Variants in DOCK10 observed in about 807,000 individuals in gnomAD.
DOCK10 encodes the protein dedicator of cytokinesis 10, also known as dedicator of cytokinesis protein 10.
A neutral mutation model predicts 280.1 loss-of-function variants in DOCK10; 145 were observed. The observed-to-expected ratio is 0.52, with a 90% CI of 0.45 to 0.59. The LOEUF is 0.59. Among genes scored for constraint, DOCK10 ranks in the 20% least tolerant of loss-of-function variants. The pLI is 0.00. For synonymous variants in DOCK10, 915 were observed against 942.2 expected, an observed-to-expected ratio of 0.97 and a Z score of 0.53; for missense variants, 2,368 against 2,651.7, an observed-to-expected ratio of 0.89 and a Z score of 2.35.
chr2:225,005,636 A>G (rs1474329293), intron 1 of DOCK10, among the ~76,000 whole-genome samples: 1 of 152,252 alleles, frequency 6.6e-6, no homozygotes, highest in Non-Finnish European at 1.5e-5. Flanking sequence ...GGTATAATAC[A>G]AGGACAAAAT....
At chr2:224,891,569 A>G (rs1699658691) in intron 4 of DOCK10, among the ~76,000 whole-genome samples, 2 of 152,226 alleles carry the variant, frequency 1.3e-5, no homozygotes. Context: ...ATAAAACTTT[A>G]TTTAAACATC....
intron 1 of DOCK10, among the ~76,000 whole-genome samples, chr2:224,963,009 T>C (rs1051942716): frequency 6.6e-6 from 1 of 151,118 alleles, no homozygotes; most frequent in Admixed American, 6.5e-5. Context: ...GGTTACTAGT[T>C]TTTTTTGAAA....
chr2:224,769,841 C>G (rs1364348027), intron 55 of DOCK10, among the ~76,000 whole-genome samples: 1 of 152,128 alleles, frequency 6.6e-6, no homozygotes, highest in Non-Finnish European at 1.5e-5. Context: ...ACTGTGGACT[C>G]CACATCATGG....
Position 224,797,142 on chromosome 2 carries a change from G to A in DOCK10, c.4649C>T (p.Pro1550Leu), listed in dbSNP as rs1198151290. The change falls in exon 43 of 56, where the codon CCT becomes CTT. Residue 1550 changes from proline (P) to leucine (L), a missense_variant. Coordinates refer to ENST00000258390, the MANE Select transcript of DOCK10 (RefSeq NM_014689.3). ...ASLRLFVCKFPSAFFQGPADL... is the reference protein window; with the variant it reads ...ASLRLFVCKFLSAFFQGPADL... ...AGCAGGCCCTTGAAAGAACGCTGAA[G>A]GAAACTGCAGAAATGGAAGAACGGG... 1 of 1,597,888 alleles carries A rather than the reference G, an allele frequency of 6.3e-7. No individual in the cohort carries two copies.
intron 21 of DOCK10, 54 bp downstream of exon 21, chr2:224,845,149 T>C (rs1286574296): frequency 6.6e-6 from 10 of 1,507,612 alleles, no homozygotes; most frequent in Middle Eastern, 1.7e-4. Flanking sequence ...GATAATCTTA[T>C]GCCATTAAGC....
rs114476797 is a variant in DOCK10, at chr2:224,977,166, C to T, written c.124-45498G>A. Among the ~76,000 whole-genome samples the T allele has an allele frequency of 2.4e-3, 371 of 152,254 alleles. 1 individual carries two copies. Among genetic ancestry groups the T allele is most frequent in the African/African-American group, 8.1e-3 (336 of 41,554 alleles). On this transcript the variant is annotated intron_variant, in intron 1 of 55. Transcript: ENST00000258390. ...AAATTCAAGACAAAGCCATATTTGGCTTGCTGTATATGCTAGATCTTTGGC... is the reference window on the plus strand; with the variant it reads ...AAATTCAAGACAAAGCCATATTTGGTTTGCTGTATATGCTAGATCTTTGGC...
intron 7 of DOCK10, among the ~76,000 whole-genome samples, chr2:224,877,301 C>T (rs1698687043): frequency 6.6e-6 from 1 of 152,206 alleles, no homozygotes; most frequent in South Asian, 2.1e-4. Flanking sequence ...ACATGTCTCC[C>T]TTAAGGCTAC....
chr2:224,784,093 C>T (rs1042912198), intron 50 of DOCK10, among the ~76,000 whole-genome samples: 1 of 152,052 alleles, frequency 6.6e-6, no homozygotes, highest in African/African-American at 2.4e-5. Context: ...ATGGCTTGTT[C>T]TCCAAATTTC....
intron 1 of DOCK10, among the ~76,000 whole-genome samples, chr2:225,026,062 G>C (rs896787671): frequency 6.6e-6 from 1 of 152,082 alleles, no homozygotes; most frequent in Non-Finnish European, 1.5e-5. Context: ...GGTCTTGAAA[G>C]GCAAGCAGGA....
At chr2:224,886,263 T>C in intron 5 of DOCK10, 78 bp from the exon 6 acceptor site, 6 of 1,567,594 alleles carry the variant, frequency 3.8e-6, no homozygotes, top group Non-Finnish European at 3.5e-6. Flanking sequence ...AAAAAGAGAC[T>C]CCTCTTCCTC....
intron 1 of DOCK10, among the ~76,000 whole-genome samples, chr2:224,959,364 A>G (rs1704231290): frequency 6.6e-6 from 1 of 152,194 alleles, no homozygotes; most frequent in African/African-American, 2.4e-5. Context: ...GTGTTTTTAA[A>G]TAAAACAACT....
intron 45 of DOCK10, 40 bp from the exon 46 acceptor site, chr2:224,793,497 G>A (rs763830258): frequency 6.5e-7 from 1 of 1,532,708 alleles, no homozygotes; most frequent in South Asian, 1.1e-5. Flanking sequence ...AGGGGATGGA[G>A]TTTAATATAA....
At chr2:224,908,403 AATC>A (rs2125898400) in intron 3 of DOCK10, among the ~76,000 whole-genome samples, 1 of 135,306 alleles carries the variant, frequency 7.4e-6, no homozygotes, top group East Asian at 2.3e-4. Context: ...GACAGTACAT[AATC>A]ATCATCGTTT....
chr2:224,801,730 C>T (rs1012338556), intron 40 of DOCK10, among the ~76,000 whole-genome samples, 186 bp downstream of exon 40: 4 of 152,100 alleles, frequency 2.6e-5, no homozygotes, highest in African/African-American at 9.7e-5. Flanking sequence ...GGTTTTGCCT[C>T]TCCCCTTTCT....
At chr2:224,921,113 ATAT>A (rs1261422038) in intron 2 of DOCK10, among the ~76,000 whole-genome samples, 4 of 74,332 alleles carry the variant, frequency 5.4e-5, no homozygotes, top group African/African-American at 1.6e-4. Flanking sequence ...AAAAAAAAAA[ATAT>A]ATATATATAT....
At chr2:224,768,310 GT>G (rs200043720) in intron 55 of DOCK10, among the ~76,000 whole-genome samples, 2,805 of 152,304 alleles carry the variant, frequency 0.018, 44 homozygotes, top group Middle Eastern at 0.027. Flanking sequence ...AGATAGGTAT[GT>G]GAAGGTATTC....
chr2:224,852,965 G>A lies in DOCK10; in HGVS notation c.2046C>T (p.Leu682=), dbSNP rs755714999. ...KNQIYIYPKH[L]KYDSQKCFNK... Reference sequence around the variant, plus strand: ...TGAAGCATTTCTGGCTATCATACTTGAGGTGTTTGGGGTAAATATAAATTT... The same window carrying A: ...TGAAGCATTTCTGGCTATCATACTTAAGGTGTTTGGGGTAAATATAAATTT... Residue 682 remains leucine, a synonymous_variant, in exon 17 of 56, where the codon CTC becomes CTT. Coordinates refer to ENST00000258390, the MANE Select transcript of DOCK10 (RefSeq NM_014689.3). 6.2e-7 allele frequency: 1 copy of A among 1,606,242 alleles called. No homozygotes were observed.
At position 224,778,157 on chromosome 2, in the gene DOCK10, A is replaced by G; in HGVS notation, c.5783T>C (p.Ile1928Thr). ...CTCTACCTTGTTGGAATCCTGGATT[A>G]TCTTCACATTGTCTGCTCCAAATTT... ...ADKFGADNVK[I>T]IQDSNKVNPK... is the part of the protein sequence containing the mutation. Residue 1928 changes from isoleucine to threonine, a missense_variant, in exon 51 of 56, where the codon ATA becomes ACA. Physicochemically the swap from Ile to Thr is moderately conservative, Grantham distance 89 (BLOSUM62 -1). Around this residue, in one of 2 missense-constraint regions of DOCK10, gnomAD observed 1,159 missense variants for 1,400.8 expected, o/e 0.83. Transcript: ENST00000258390. The G allele has an allele frequency of 1.9e-6, 3 of 1,613,506 alleles. No individual in the cohort carries two copies. The highest frequency in any genetic ancestry group is 1.7e-6 in the Non-Finnish European group (2 of 1,179,654).
chr2:224,945,486 G>A (rs1703352227), intron 1 of DOCK10, among the ~76,000 whole-genome samples: 1 of 151,966 alleles, frequency 6.6e-6, no homozygotes, highest in African/African-American at 2.4e-5. Flanking sequence ...TTCACCAATG[G>A]CAGACACACA....
Sources: allele counts gnomAD v4.1 joint callset (sites outside exome capture counted in the v4.1 genomes callset), GRCh38; gene constraint gnomAD v4.1.1; regional missense constraint gnomAD v4.1.1; transcripts MANE v1.5; gene names NCBI Gene and HGNC (gene_info 2026-07-23, HGNC 2026-07-21).